Variants in SND1 observed in about 807,000 individuals in gnomAD.
SND1 encodes the protein staphylococcal nuclease domain-containing protein 1.
Under a neutral mutation model 121.7 loss-of-function variants are expected in SND1, and 38 were observed. That is an observed-to-expected ratio of 0.31 (90% CI 0.24 to 0.41). SND1 has a LOEUF of 0.41. Ranked by LOEUF, SND1 falls within the 10% of genes least tolerant of loss-of-function variation. The probability of loss-of-function intolerance (pLI) is 1.00; values close to 1 mark genes in which losing one functional copy is unlikely to be tolerated. For synonymous variants in SND1, 401 were observed against 447.4 expected (o/e 0.90, Z 1.31); for missense variants, 868 against 1,184.6 (o/e 0.73, Z 3.92).
chr7:128,084,526 C>T (rs1244172714), intron 18 of SND1, among the ~76,000 whole-genome samples, 198 bp from the exon 19 acceptor site: 1 of 152,272 alleles, frequency 6.6e-6, no homozygotes. Flanking sequence ...ACCAGTCCCA[C>T]TTCTGAAGGC....
At chr7:127,698,741 T>C (rs1178957886) in intron 3 of SND1, 134 bp from the exon 4 acceptor site, 2 of 706,536 alleles carry the variant, frequency 2.8e-6, no homozygotes, top group Non-Finnish European at 5.1e-6. Flanking sequence ...CAATGCTACA[T>C]TGCTGCTGTG....
At chr7:127,669,297 C>T (rs1280100327) in intron 1 of SND1, among the ~76,000 whole-genome samples, 1 of 152,064 alleles carries the variant, frequency 6.6e-6, no homozygotes, top group Non-Finnish European at 1.5e-5. Flanking sequence ...GGCCAGCGGT[C>T]CCCTTTTTAC....
chr7:127,798,923 A>G (rs920406453), intron 10 of SND1, among the ~76,000 whole-genome samples: 1 of 151,676 alleles, frequency 6.6e-6, no homozygotes, highest in Non-Finnish European at 1.5e-5. Flanking sequence ...GTGCATACCT[A>G]TAGTCCCCAG....
intron 12 of SND1, among the ~76,000 whole-genome samples, chr7:127,861,445 C>T (rs1376735409): frequency 2.6e-5 from 4 of 152,008 alleles, no homozygotes; most frequent in Non-Finnish European, 5.9e-5. Context: ...GCTCTCTGCC[C>T]GTCTACCTGG....
At chr7:127,837,574 C>T (rs192777307) in intron 11 of SND1, among the ~76,000 whole-genome samples, 131 of 152,288 alleles carry the variant, frequency 8.6e-4, no homozygotes, top group African/African-American at 2.8e-3. Flanking sequence ...AGTTCCACAA[C>T]GGCTAATGTC....
chr7:127,870,055 T>C (rs1226001602), intron 12 of SND1, among the ~76,000 whole-genome samples: 2 of 152,202 alleles, frequency 1.3e-5, no homozygotes, highest in African/African-American at 4.8e-5. Flanking sequence ...GTTTTATGAC[T>C]TGAGACCTGA....
intron 10 of SND1, among the ~76,000 whole-genome samples, chr7:127,773,458 A>C (rs1275161586): frequency 6.6e-6 from 1 of 152,194 alleles, no homozygotes; most frequent in Non-Finnish European, 1.5e-5. Flanking sequence ...TCTCAAAAAA[A>C]AAAAAAAATT....
At position 128,089,501 on chromosome 7, in the gene SND1, A is replaced by G. The variant is rs779415847; in HGVS notation, c.2431A>G (p.Thr811Ala). The G allele has an allele frequency of 3.1e-6, 5 of 1,612,966 alleles. No homozygotes were observed. The highest frequency in any genetic ancestry group is 4.2e-6 in the Non-Finnish European group (5 of 1,179,080). ...GTCTCTGCTCCAGGATGATGCCCGC[A>G]CGGACGCCGTGGACAGCGTAGTTCG... ...IQVPQDDDARTDAVDSVVRDI... is the reference protein window; with the variant it reads ...IQVPQDDDARADAVDSVVRDI... Residue 811 changes from threonine (T) to alanine (A), a missense_variant, in exon 22 of 24, where the codon ACG becomes GCG. By Grantham distance (58) the Thr-to-Ala change is moderately conservative. Around this residue, in one of 2 missense-constraint regions of SND1, gnomAD observed 743 missense variants for 1,071.3 expected, o/e 0.69. Coordinates refer to ENST00000354725, the MANE Select transcript of SND1 (RefSeq NM_014390.4).
intron 16 of SND1, among the ~76,000 whole-genome samples, chr7:128,032,533 C>G (rs1411210718): frequency 6.6e-6 from 1 of 151,816 alleles, no homozygotes; most frequent in Non-Finnish European, 1.5e-5. Flanking sequence ...CCGCGCCGGC[C>G]CCCGCCCTCC....
At chr7:128,083,860 G>A (rs975300206) in intron 18 of SND1, among the ~76,000 whole-genome samples, 4 of 152,208 alleles carry the variant, frequency 2.6e-5, no homozygotes, top group African/African-American at 9.7e-5. Context: ...GCCTCCCAGA[G>A]TCAGGGTGGG....
chr7:128,060,737 A>C (rs1208356762), intron 16 of SND1, among the ~76,000 whole-genome samples: 1 of 152,218 alleles, frequency 6.6e-6, no homozygotes, highest in East Asian at 1.9e-4. Context: ...GCACTGTGGC[A>C]AGAAGTCCAT....
At position 127,995,274 on chromosome 7, in the gene SND1, T is replaced by C. The variant is rs1316106612; in HGVS notation, c.1779+4218T>C. On this transcript the variant is annotated intron_variant, in intron 16 of 23. Coordinates refer to ENST00000354725, the MANE Select transcript of SND1 (RefSeq NM_014390.4). ...TTGAGGCTGGACTGCATGAGATTAT[T>C]GTATCTGTTGGCTGTAGCTGTGACT... Among the ~76,000 whole-genome samples, 4 of 152,352 alleles carry C rather than the reference T, an allele frequency of 2.6e-5. No homozygotes were observed. In the East Asian group the frequency reaches 7.7e-4, roughly 29 times the overall value.
chr7:128,085,757 G>A lies in SND1; in HGVS notation c.2281G>A (p.Val761Ile). The change falls in exon 20 of 24, where the codon GTC becomes ATC. Residue 761 changes from valine to isoleucine, a missense_variant. Transcript: ENST00000354725. This position sits in a 1 kb window ranked among gnomAD's most constrained non-coding sequence, Gnocchi z 4.4. ...AGTCGAGTCTCCTGCCAAAATACAT[G>A]TCTTCTACATTGACTACGGCAACGT... is the stretch of plus-strand genomic sequence containing the variant. ...EKVESPAKIH[V>I]FYIDYGNREV... The A allele has an allele frequency of 1.2e-6, 2 of 1,614,134 alleles. No homozygotes were observed. Among genetic ancestry groups the A allele is most frequent in the South Asian group, 1.1e-5 (1 of 91,086 alleles).
chr7:127,858,081 G>C, intron 12 of SND1: 1 of 1,021,472 alleles, frequency 9.8e-7, no homozygotes, highest in Non-Finnish European at 1.6e-6. Context: ...TCTGGGTAGG[G>C]GTTGGGGTCT....
At chr7:128,074,455 C>T (rs1313168676) in intron 16 of SND1, 47 bp from the exon 17 acceptor site, 1 of 1,558,700 alleles carries the variant, frequency 6.4e-7, no homozygotes, top group African/African-American at 1.4e-5. Flanking sequence ...AGCCCCTGCA[C>T]ACTCAGGCCT....
intron 16 of SND1, among the ~76,000 whole-genome samples, chr7:128,016,426 A>T (rs1034015125): frequency 6.6e-6 from 1 of 152,214 alleles, no homozygotes; most frequent in Admixed American, 6.5e-5. Flanking sequence ...GAACAATAAA[A>T]TACTGACTAA....
At chr7:127,933,573 TAC>T (rs1387400077) in intron 15 of SND1, among the ~76,000 whole-genome samples, 3 of 152,232 alleles carry the variant, frequency 2.0e-5, no homozygotes, top group Non-Finnish European at 2.9e-5. Flanking sequence ...AGCCTCAGTT[TAC>T]ACATCAATTA....
intron 1 of SND1, among the ~76,000 whole-genome samples, chr7:127,680,419 A>G (rs552858054): frequency 1.7e-4 from 26 of 152,130 alleles, no homozygotes; most frequent in Admixed American, 1.6e-3. Flanking sequence ...ACTGGGGCTT[A>G]TTTCATCCCT....
At chr7:127,799,347 A>T (rs1309973064) in intron 10 of SND1, among the ~76,000 whole-genome samples, 2 of 152,198 alleles carry the variant, frequency 1.3e-5, no homozygotes, top group Non-Finnish European at 2.9e-5. Context: ...GCCTTCTAGT[A>T]AAAGGGGGAT....
Sources: gnomAD v4.1 joint callset for allele counts (sites outside exome capture counted in the v4.1 genomes callset) on GRCh38, gnomAD v4.1.1 for gene constraint, gnomAD v4.1.1 regional missense constraint, Gnocchi (gnomAD v3.1) non-coding constraint, MANE v1.5 for transcripts, NCBI Gene and HGNC (gene_info 2026-07-23, HGNC 2026-07-21) for gene names.